The following EPB41L4B variants were observed in gnomAD, a reference collection of about 807,000 sequenced individuals.
EPB41L4B encodes the protein band 4.1-like protein 4B.
In EPB41L4B, 30 loss-of-function variants were observed where a neutral mutation model predicts 112.5. The observed-to-expected ratio is 0.27, with a 90% CI of 0.20 to 0.36. The LOEUF (loss-of-function observed/expected upper bound fraction) is 0.36. EPB41L4B is among the 10% of genes least tolerant of loss of function. The pLI is 1.00. For synonymous variants in EPB41L4B, 408 were observed against 439.7 expected (o/e 0.93, Z 0.90); for missense variants, 1,024 against 1,133.3 (o/e 0.90, Z 1.38).
chr9:109,257,988 T>A (rs1835048348), intron 7 of EPB41L4B, among the ~76,000 whole-genome samples, 189 bp downstream of exon 7: 1 of 152,054 alleles, frequency 6.6e-6, no homozygotes, highest in Non-Finnish European at 1.5e-5. Flanking sequence ...AGAGCGAGAC[T>A]CTCTCAAAAA....
intron 22 of EPB41L4B, among the ~76,000 whole-genome samples, chr9:109,190,223 C>T (rs1832413691): frequency 6.6e-6 from 1 of 152,210 alleles, no homozygotes; most frequent in African/African-American, 2.4e-5. Flanking sequence ...TCAGGAGTCT[C>T]ATCCAGTAGG....
intron 1 of EPB41L4B, among the ~76,000 whole-genome samples, chr9:109,290,665 C>T (rs1836487620): frequency 6.6e-6 from 1 of 151,702 alleles, no homozygotes; most frequent in Non-Finnish European, 1.5e-5. Flanking sequence ...TCTGCTCTCC[C>T]CTCAATAACT....
intron 24 of EPB41L4B, 136 bp from the exon 25 acceptor site, chr9:109,176,832 A>AT: frequency 9.9e-7 from 1 of 1,008,222 alleles, no homozygotes; most frequent in Non-Finnish European, 1.5e-6. Flanking sequence ...ATTTTAAGTG[A>AT]TTTTACTTTG....
At chr9:109,282,023 G>T (rs909402879) in intron 1 of EPB41L4B, among the ~76,000 whole-genome samples, 7 of 152,152 alleles carry the variant, frequency 4.6e-5, no homozygotes, top group African/African-American at 1.7e-4. Context: ...ATCAACAAAA[G>T]ACAGTATAAC....
At chr9:109,251,332 G>T in intron 13 of EPB41L4B, 149 bp downstream of exon 13, 1 of 756,002 alleles carries the variant, frequency 1.3e-6, no homozygotes, top group Non-Finnish European at 2.3e-6. Context: ...AAAGCCATGA[G>T]CATGGAATAG....
At chr9:109,307,380 T>C in intron 1 of EPB41L4B, 1 of 366,246 alleles carries the variant, frequency 2.7e-6, no homozygotes, top group Non-Finnish European at 5.3e-6. Flanking sequence ...AATTTCCTGC[T>C]CTCCCATTAC....
intron 15 of EPB41L4B, chr9:109,241,191 T>A: frequency 1.0e-6 from 1 of 986,330 alleles, no homozygotes; most frequent in Admixed American, 6.1e-5. Context: ...GATCACTTAG[T>A]CCAACCCTCT....
At chr9:109,319,648 G>T (rs1398144482) in intron 1 of EPB41L4B, among the ~76,000 whole-genome samples, 1 of 152,228 alleles carries the variant, frequency 6.6e-6, no homozygotes, top group African/African-American at 2.4e-5. Flanking sequence ...CAAGCGAGGG[G>T]ATCTCCTCTC....
At position 109,185,524 on chromosome 9, in the gene EPB41L4B, C is replaced by T; in HGVS notation, c.2383G>A (p.Gly795Arg). 2 of 1,613,794 alleles carry T rather than the reference C, an allele frequency of 1.2e-6. No individual in the cohort carries two copies. The highest frequency in any genetic ancestry group is 1.7e-6 in the Non-Finnish European group (2 of 1,179,842). ...TTGATTGGAGGGTACATGCAAACTC[C>T]AGTGGTCTCTTCCTTCATGGGGAGA... Reference protein sequence around the residue: ...LSLPMKEETTGVCMYPPIKTR... With the variant: ...LSLPMKEETTRVCMYPPIKTR... The change falls in exon 23 of 26, where the codon GGA becomes AGA. Residue 795 changes from glycine to arginine, a missense_variant. Gly to Arg is a moderately radical substitution (Grantham distance 125). Coordinates refer to ENST00000374566, the MANE Select transcript of EPB41L4B (RefSeq NM_019114.5).
In EPB41L4B at chr9:109,274,820, C is replaced by G. The variant is rs1010956316; in HGVS notation, c.411+4997G>C. Among the ~76,000 whole-genome samples the G allele has an allele frequency of 2.0e-5, 3 of 152,200 alleles. No homozygotes were observed. In the South Asian group the frequency reaches 6.2e-4, roughly 32 times the overall value. On this transcript the variant is annotated intron_variant, in intron 2 of 25. Transcript: ENST00000374566. ...CAGCTTCATCATCTGTAAAATGGTT[C>G]TGTTTTATGGCCTACTTTATAGATC...
chr9:109,314,744 T>A (rs367924560), intron 1 of EPB41L4B, among the ~76,000 whole-genome samples: 235 of 152,022 alleles, frequency 1.5e-3, no homozygotes, highest in African/African-American at 5.4e-3. Flanking sequence ...TGAGAGGGGA[T>A]GTGGGTGGGG....
rs187792850 is a variant in EPB41L4B, at chr9:109,227,639, T to C, written c.1410-10494A>G. On this transcript the variant is annotated intron_variant, in intron 15 of 25. Coordinates refer to ENST00000374566, the MANE Select transcript of EPB41L4B (RefSeq NM_019114.5). ...GCTCTGTCATCAGGCTGGGGTGCAG[T>C]GGCGTGATCTCGGCTCACTGCAACC... 2.5e-4 allele frequency among the ~76,000 whole-genome samples: 38 copies of C among 152,178 alleles called. No individual in the cohort carries two copies. The East Asian group carries it at 4.2e-3, about 17-fold the overall frequency.
chr9:109,316,856 C>G (rs1474895114), intron 1 of EPB41L4B, among the ~76,000 whole-genome samples: 1 of 152,188 alleles, frequency 6.6e-6, no homozygotes, highest in Non-Finnish European at 1.5e-5. Flanking sequence ...AATCCCAACA[C>G]TGTTAGGGGC....
intron 15 of EPB41L4B, among the ~76,000 whole-genome samples, chr9:109,233,691 C>A (rs1834034488): frequency 6.6e-6 from 1 of 152,060 alleles, no homozygotes; most frequent in South Asian, 2.1e-4. Flanking sequence ...CCACCAGGTC[C>A]AGCTAATTGT....
Position 109,258,797 on chromosome 9 carries a change from G to A in EPB41L4B, c.632-500C>T, listed in dbSNP as rs1379709365. On this transcript the variant is annotated intron_variant, in intron 6 of 25. Coordinates refer to ENST00000374566, the MANE Select transcript of EPB41L4B (RefSeq NM_019114.5). Reference sequence around the variant, plus strand: ...GGGGAGGGAGAGGCAGAGCGAGAGGGAGGCAGGGAGGAGGGGTGCGAGGGC... The same window carrying A: ...GGGGAGGGAGAGGCAGAGCGAGAGGAAGGCAGGGAGGAGGGGTGCGAGGGC... Among the ~76,000 whole-genome samples, 6 of 152,186 alleles carry A rather than the reference G, an allele frequency of 3.9e-5. No individual in the cohort carries two copies. The East Asian group carries it at 1.2e-3, about 29-fold the overall frequency.
At chr9:109,289,830 G>C (rs978121388) in intron 1 of EPB41L4B, among the ~76,000 whole-genome samples, 1 of 152,220 alleles carries the variant, frequency 6.6e-6, no homozygotes, top group East Asian at 1.9e-4. Flanking sequence ...CTAACCCCAA[G>C]TGCAGGCTTT....
At chr9:109,233,484 C>A (rs945999451) in intron 15 of EPB41L4B, among the ~76,000 whole-genome samples, 1 of 151,576 alleles carries the variant, frequency 6.6e-6, no homozygotes, top group South Asian at 2.1e-4. Flanking sequence ...TTCAGTTCTG[C>A]AGGGCAGTAT....
At chr9:109,308,427 G>A (rs1159170873) in intron 1 of EPB41L4B, among the ~76,000 whole-genome samples, 4 of 152,098 alleles carry the variant, frequency 2.6e-5, no homozygotes, top group Non-Finnish European at 5.9e-5. Context: ...AGGACAAACG[G>A]CCTCACTTCT....
intron 19 of EPB41L4B, among the ~76,000 whole-genome samples, chr9:109,202,621 GGAAA>G (rs1368972561): frequency 2.6e-5 from 4 of 152,208 alleles, no homozygotes; most frequent in African/African-American, 4.8e-5. Context: ...ATGCCAAGAA[GGAAA>G]GAGTTCCTGT....
Sources: allele counts gnomAD v4.1 joint callset (sites outside exome capture counted in the v4.1 genomes callset), GRCh38; gene constraint gnomAD v4.1.1; transcripts MANE v1.5; gene names NCBI Gene and HGNC (gene_info 2026-07-23, HGNC 2026-07-21).